Variants in GALNT1 observed in about 807,000 individuals in gnomAD.
GALNT1 encodes GalNAc transferase 1.
Under a neutral mutation model 65.7 loss-of-function variants are expected in GALNT1, and 17 were observed. The observed-to-expected ratio is 0.26, with a 90% CI of 0.18 to 0.39. The LOEUF (loss-of-function observed/expected upper bound fraction) is 0.39, where lower values mean the gene tolerates loss of function less well. GALNT1 is among the 10% of genes least tolerant of loss of function. The pLI is 1.00. For missense variants in GALNT1, 460 were observed against 672.8 expected (o/e 0.68, Z 3.50); for synonymous variants, 210 against 219.7 (o/e 0.96, Z 0.39).
intron 2 of GALNT1, among the ~76,000 whole-genome samples, chr18:35,658,762 T>A (rs2047433764): frequency 6.6e-6 from 1 of 150,494 alleles, no homozygotes; most frequent in Admixed American, 6.7e-5. Flanking sequence ...CAGGCTGGAG[T>A]GCAATGGCGT....
In GALNT1 at chr18:35,702,900, C is replaced by T. The variant is rs749687300; in HGVS notation, c.1303C>T (p.Arg435Ter). The change falls in exon 10 of 12, where the codon CGA becomes TGA. Residue 435 changes from arginine (R) to a stop codon, truncating the protein, a stop_gained. Transcript: ENST00000269195. LOFTEE classifies it high-confidence loss of function. The part of the protein sequence containing the change: ...PRHYFSLGEI[R>*]NVETNQCLDN... ...TTCATTATTTATTGTCCCATAGATA[C>T]GAAATGTGGAAACGAATCAGTGTCT... 1 of 1,589,522 alleles carries T rather than the reference C, an allele frequency of 6.3e-7. No homozygotes were observed. The highest frequency in any genetic ancestry group is 8.5e-7 in the Non-Finnish European group (1 of 1,171,202).
intron 4 of GALNT1, among the ~76,000 whole-genome samples, chr18:35,679,143 T>C (rs1310661928): frequency 6.6e-6 from 1 of 152,192 alleles, no homozygotes; most frequent in Admixed American, 6.5e-5. Flanking sequence ...CTTATGTGGA[T>C]AATCTATTTG....
intron 9 of GALNT1, among the ~76,000 whole-genome samples, chr18:35,694,115 T>C (rs1316971447): frequency 6.6e-6 from 1 of 152,184 alleles, no homozygotes; most frequent in East Asian, 1.9e-4. Flanking sequence ...TAGGGACATG[T>C]TATCAGTAGC....
chr18:35,700,147 A>G (rs779755620), intron 9 of GALNT1, among the ~76,000 whole-genome samples: 6 of 152,180 alleles, frequency 3.9e-5, no homozygotes, highest in Admixed American at 3.9e-4. Context: ...GGTAGTCCAC[A>G]TGTATCACTA....
At chr18:35,700,381 G>A (rs2048140663) in intron 9 of GALNT1, among the ~76,000 whole-genome samples, 2 of 152,234 alleles carry the variant, frequency 1.3e-5, no homozygotes, top group South Asian at 4.1e-4. Context: ...TACATCAGAG[G>A]AGTGCCTCCA....
chr18:35,630,250 A>C (rs1167067875), intron 1 of GALNT1, among the ~76,000 whole-genome samples: 1 of 152,194 alleles, frequency 6.6e-6, no homozygotes, highest in Non-Finnish European at 1.5e-5. Flanking sequence ...CAGAATATAC[A>C]TTCTTCTCAG....
intron 1 of GALNT1, among the ~76,000 whole-genome samples, chr18:35,605,707 A>G (rs1172782627): frequency 6.6e-6 from 1 of 152,028 alleles, no homozygotes; most frequent in African/African-American, 2.4e-5. Flanking sequence ...GAACCCTCAT[A>G]TACTCATCAT....
At chr18:35,602,626 C>T (rs973868093) in intron 1 of GALNT1, among the ~76,000 whole-genome samples, 2 of 152,078 alleles carry the variant, frequency 1.3e-5, no homozygotes, top group Admixed American at 6.5e-5. Context: ...TTGATCCATT[C>T]TCCTGTTGAG....
At chr18:35,585,795 A>C (rs1002152289) in intron 1 of GALNT1, among the ~76,000 whole-genome samples, 1 of 152,214 alleles carries the variant, frequency 6.6e-6, no homozygotes, top group Non-Finnish European at 1.5e-5. Context: ...TGCATGTATC[A>C]GTAATTACTC....
At chr18:35,608,319 A>C (rs904408569) in intron 1 of GALNT1, among the ~76,000 whole-genome samples, 9 of 152,188 alleles carry the variant, frequency 5.9e-5, no homozygotes, top group Admixed American at 5.9e-4. Flanking sequence ...ATGCTTATTA[A>C]ATTTAATGTT....
Position 35,681,073 on chromosome 18 carries a change from T to G in GALNT1, c.482-2318T>G, listed in dbSNP as rs565546025. 3.9e-5 allele frequency among the ~76,000 whole-genome samples: 6 copies of G among 152,282 alleles called. No homozygotes were observed. The East Asian group carries it at 1.2e-3, about 29-fold the overall frequency. ...CTGAATTCTTTATTCTTCCCTTTATTCTTCTCTACTACTCCTTAGAGTTTT... is the reference window on the plus strand; with the variant it reads ...CTGAATTCTTTATTCTTCCCTTTATGCTTCTCTACTACTCCTTAGAGTTTT... On this transcript the variant is annotated intron_variant, in intron 4 of 11. Coordinates refer to ENST00000269195, the MANE Select transcript of GALNT1 (RefSeq NM_020474.4).
rs17562324 is a variant in GALNT1 at position 35,710,150 on chromosome 18, G to A, written c.*380G>A. The A allele has an allele frequency of 4.5e-3, 722 of 161,084 alleles. 2 individuals carry two copies. The highest frequency in any genetic ancestry group is 0.016 in the African/African-American group (679 of 41,822). The allele number at this position is 161,084 out of a possible 1,614,324, so 10.0% of individuals were successfully genotyped here. ...TTTCTGCTGAACGTGCTGTCATAAT[G>A]AAGAGATTTCCAAGATTTTTTTTCC... On this transcript the variant is annotated 3_prime_UTR_variant, in exon 12 of 12. Coordinates refer to ENST00000269195, the MANE Select transcript of GALNT1 (RefSeq NM_020474.4).
intron 1 of GALNT1, among the ~76,000 whole-genome samples, chr18:35,599,645 G>A (rs902751719): frequency 6.6e-6 from 1 of 152,198 alleles, no homozygotes; most frequent in Non-Finnish European, 1.5e-5. Context: ...TTACAGGTGT[G>A]AGCCATTACG....
At chr18:35,627,221 T>A (rs1349470866) in intron 1 of GALNT1, among the ~76,000 whole-genome samples, 3 of 152,216 alleles carry the variant, frequency 2.0e-5, no homozygotes, top group Non-Finnish European at 4.4e-5. Flanking sequence ...AGTAATAGTT[T>A]ATTAACTCAC....
At chr18:35,687,551 G>C (rs774911953) in intron 6 of GALNT1, among the ~76,000 whole-genome samples, 2 of 151,912 alleles carry the variant, frequency 1.3e-5, no homozygotes, top group African/African-American at 4.8e-5. Flanking sequence ...CCTAAAACTG[G>C]GTCCTTGCAT....
intron 1 of GALNT1, among the ~76,000 whole-genome samples, chr18:35,605,607 C>T (rs2046637334): frequency 6.6e-6 from 1 of 151,252 alleles, no homozygotes; most frequent in Non-Finnish European, 1.5e-5. Context: ...CTTTTTTTAA[C>T]ACTCTCAGAT....
At chr18:35,630,572 A>G (rs2046992371) in intron 1 of GALNT1, among the ~76,000 whole-genome samples, 1 of 152,242 alleles carries the variant, frequency 6.6e-6, no homozygotes, top group African/African-American at 2.4e-5. Context: ...AGGGAAATTT[A>G]TAGCACTAAA....
Position 35,582,816 on chromosome 18 carries a change from T to C in GALNT1, c.-104+954T>C, listed in dbSNP as rs192347153. Among the ~76,000 whole-genome samples the C allele has an allele frequency of 3.2e-3, 489 of 152,372 alleles. 2 individuals are homozygous for C. Among genetic ancestry groups the C allele is most frequent in the Non-Finnish European group, 4.2e-3 (288 of 68,038 alleles). On this transcript the variant is annotated intron_variant, in intron 1 of 11. Coordinates refer to ENST00000269195, the MANE Select transcript of GALNT1 (RefSeq NM_020474.4). ...GAGCAGCAGAGTTGGGATTCAAACC[T>C]AGACCTTGTTAGTCCAGTCCTCTTT...
intron 3 of GALNT1, chr18:35,664,067 A>G (rs2047512457): frequency 2.6e-6 from 1 of 381,748 alleles, no homozygotes; most frequent in Admixed American, 4.6e-5. Context: ...TATTACCAAA[A>G]TACTCACATA....
Sources: gnomAD v4.1 joint callset for allele counts (sites outside exome capture counted in the v4.1 genomes callset) on GRCh38, gnomAD v4.1.1 for gene constraint, MANE v1.5 for transcripts, NCBI Gene and HGNC (gene_info 2026-07-23, HGNC 2026-07-21) for gene names.